Variants in PDE10A observed in about 807,000 individuals in gnomAD.
PDE10A encodes the protein cAMP and cAMP-inhibited cGMP 3',5'-cyclic phosphodiesterase 10A.
Under a neutral mutation model 97.7 loss-of-function variants are expected in PDE10A, and 39 were observed. The observed-to-expected ratio is 0.40, with a 90% CI of 0.31 to 0.52. The LOEUF (loss-of-function observed/expected upper bound fraction) is 0.52, where lower values mean the gene tolerates loss of function less well. Ranked by LOEUF, PDE10A falls within the 20% of genes least tolerant of loss-of-function variation. The pLI, the probability that PDE10A is intolerant of heterozygous loss-of-function variation, is 0.56. For missense variants in PDE10A, 731 were observed against 1,047.8 expected, an observed-to-expected ratio of 0.70 and a Z score of 4.17; for synonymous variants, 371 against 376.8, an observed-to-expected ratio of 0.98 and a Z score of 0.18.
At chr6:165,865,271 A>C (rs1430438062) in intron 1 of PDE10A, among the ~76,000 whole-genome samples, 1 of 152,186 alleles carries the variant, frequency 6.6e-6, no homozygotes, top group Non-Finnish European at 1.5e-5. Context: ...TACCCAACCC[A>C]CACTACAGAT....
At chr6:165,839,101 A>G (rs1435266414) in intron 1 of PDE10A, among the ~76,000 whole-genome samples, 1 of 152,268 alleles carries the variant, frequency 6.6e-6, no homozygotes, top group Non-Finnish European at 1.5e-5. Flanking sequence ...AAAAGTCCAG[A>G]AACTCTTTTT....
exon 1 of PDE10A, chr6:165,987,870 G>T (rs535810473): frequency 5.3e-6 from 2 of 378,320 alleles, no homozygotes; most frequent in African/African-American, 2.1e-5. Flanking sequence ...TGCACCCAGC[G>T]CCTTGGGCGC....
At chr6:165,822,057 G>A (rs1383707705) in intron 1 of PDE10A, among the ~76,000 whole-genome samples, 1 of 152,210 alleles carries the variant, frequency 6.6e-6, no homozygotes, top group Non-Finnish European at 1.5e-5. Flanking sequence ...TCTGAACTCG[G>A]CAAACACTTT....
At chr6:165,431,000 C>A (rs1583271490) in intron 8 of PDE10A, among the ~76,000 whole-genome samples, 1 of 152,180 alleles carries the variant, frequency 6.6e-6, no homozygotes, top group East Asian at 1.9e-4. Flanking sequence ...AATTAGATAT[C>A]TTCAAAAGAA....
intron 13 of PDE10A, among the ~76,000 whole-genome samples, chr6:165,402,207 A>C (rs1380633590): frequency 6.6e-6 from 1 of 152,114 alleles, no homozygotes; most frequent in Non-Finnish European, 1.5e-5. Flanking sequence ...AATTAGAATA[A>C]ATTTTATTTC....
At chr6:165,710,138 G>T (rs989486299) in intron 1 of PDE10A, among the ~76,000 whole-genome samples, 3 of 152,052 alleles carry the variant, frequency 2.0e-5, no homozygotes, top group African/African-American at 7.2e-5. Flanking sequence ...TAACAGCGCC[G>T]CCACTCTGAG....
intron 1 of PDE10A, among the ~76,000 whole-genome samples, chr6:165,689,290 T>G (rs1374573576): frequency 2.0e-5 from 3 of 152,246 alleles, no homozygotes; most frequent in Non-Finnish European, 4.4e-5. Context: ...AATGTTCTTT[T>G]GTTTCCAACA....
chr6:165,522,299 A>G (rs1377552441), intron 2 of PDE10A, among the ~76,000 whole-genome samples: 1 of 152,200 alleles, frequency 6.6e-6, no homozygotes, highest in Non-Finnish European at 1.5e-5. Context: ...AACTCATTCT[A>G]CAAAGACTAC....
At position 165,708,554 on chromosome 6, in the gene PDE10A, C is replaced by T. The variant is rs6939581; in HGVS notation, c.-614-164986G>A. ...ACACGGTTCTCAGTGCCTCCACCCCCACGCCTGCATCGTCCGTGCTCCTCC... is the reference window on the plus strand; with the variant it reads ...ACACGGTTCTCAGTGCCTCCACCCCTACGCCTGCATCGTCCGTGCTCCTCC... On this transcript the variant is annotated intron_variant, in intron 1 of 19. Transcript: ENST00000366882. Among the ~76,000 whole-genome samples, 9 of 152,072 alleles carry T rather than the reference C, an allele frequency of 5.9e-5. 1 individual carries two copies. Among genetic ancestry groups the T allele is most frequent in the African/African-American group, 1.9e-4 (8 of 41,452 alleles).
intron 3 of PDE10A, among the ~76,000 whole-genome samples, chr6:165,474,396 G>A (rs567778874): frequency 1.3e-5 from 2 of 152,306 alleles, no homozygotes; most frequent in Admixed American, 6.5e-5. Context: ...ACTCCTGTGT[G>A]AAATCACCAA....
chr6:165,360,227 G>C (rs547304), intron 18 of PDE10A, among the ~76,000 whole-genome samples: 71,175 of 151,870 alleles, frequency 0.47, 17,598 homozygotes, highest in African/African-American at 0.64. Context: ...GCACACTGTG[G>C]CACTCTCAAC....
chr6:165,759,159 T>G (rs1265051699), intron 1 of PDE10A, among the ~76,000 whole-genome samples: 4 of 152,162 alleles, frequency 2.6e-5, no homozygotes, highest in African/African-American at 9.7e-5. Context: ...TATGAGGGAC[T>G]CTTTTCTGGG....
At chr6:165,359,654 T>C (rs1361395210) in intron 18 of PDE10A, among the ~76,000 whole-genome samples, 4 of 152,200 alleles carry the variant, frequency 2.6e-5, no homozygotes. Context: ...TTCCACAATC[T>C]AAGTCATCTT....
chr6:165,751,841 T>C (rs1015733276), intron 1 of PDE10A, among the ~76,000 whole-genome samples: 2 of 151,906 alleles, frequency 1.3e-5, no homozygotes, highest in African/African-American at 4.8e-5. Context: ...TTACATGTAA[T>C]TGAAAGTGAG....
intron 1 of PDE10A, among the ~76,000 whole-genome samples, chr6:165,860,293 A>G (rs1186947297): frequency 6.6e-6 from 1 of 152,164 alleles, no homozygotes; most frequent in Non-Finnish European, 1.5e-5. Flanking sequence ...ATCTCTACTA[A>G]AAATGCAAAA....
intron 1 of PDE10A, among the ~76,000 whole-genome samples, chr6:165,677,266 C>T (rs967507407): frequency 1.3e-5 from 2 of 152,176 alleles, no homozygotes; most frequent in Non-Finnish European, 2.9e-5. Context: ...AATCTGCTTC[C>T]CAACAGCCTT....
chr6:165,462,238 C>CAG (rs1245947504), intron 3 of PDE10A, among the ~76,000 whole-genome samples: 2 of 152,192 alleles, frequency 1.3e-5, no homozygotes, highest in African/African-American at 4.8e-5. Flanking sequence ...TTTTCTAAAA[C>CAG]AGCAGTTGCA....
intron 1 of PDE10A, among the ~76,000 whole-genome samples, chr6:165,837,446 C>G (rs573706312): frequency 6.6e-6 from 1 of 152,116 alleles, no homozygotes. Context: ...TGCTTTCAAA[C>G]ATTCCTTTAC....
chr6:165,791,663 C>T (rs754720674), intron 1 of PDE10A, among the ~76,000 whole-genome samples: 5 of 152,174 alleles, frequency 3.3e-5, no homozygotes, highest in African/African-American at 9.7e-5. Flanking sequence ...CGAAGATCAG[C>T]GCAGTCTCAC....
Sources: gnomAD v4.1 joint callset for allele counts (sites outside exome capture counted in the v4.1 genomes callset) on GRCh38, gnomAD v4.1.1 for gene constraint, MANE v1.5 for transcripts, NCBI Gene and HGNC (gene_info 2026-07-23, HGNC 2026-07-21) for gene names.